Variants in FHIT observed in about 807,000 individuals in gnomAD.
The protein encoded by FHIT is bis(5'-adenosyl)-triphosphatase.
In FHIT, 19 loss-of-function variants were observed where a neutral mutation model predicts 17.9. The ratio of observed to expected loss-of-function variants is 1.06; its 90% CI spans 0.74 to 1.56. The LOEUF (loss-of-function observed/expected upper bound fraction) is 1.56, where lower values mean the gene tolerates loss of function less well. FHIT is among the 40% of genes most tolerant of loss of function. FHIT has a pLI of 0.00. For synonymous variants in FHIT, 81 were observed against 69.7 expected, an observed-to-expected ratio of 1.16 and a Z score of -0.81; for missense variants, 248 against 189.2, an observed-to-expected ratio of 1.31 and a Z score of -1.82.
At chr3:60,723,494 T>C (rs1350868634) in intron 4 of FHIT, among the ~76,000 whole-genome samples, 1 of 152,188 alleles carries the variant, frequency 6.6e-6, no homozygotes, top group East Asian at 1.9e-4. Flanking sequence ...GCTAGGCAGA[T>C]CAGCTCCCAG....
chr3:61,249,153 T>A (rs1460704367), intron 1 of FHIT, among the ~76,000 whole-genome samples: 1 of 152,214 alleles, frequency 6.6e-6, no homozygotes, highest in Non-Finnish European at 1.5e-5. Context: ...TCTAAAGAGC[T>A]ACACATCTGG....
chr3:60,126,162 C>T (rs529879315), intron 5 of FHIT, among the ~76,000 whole-genome samples: 3 of 152,226 alleles, frequency 2.0e-5, no homozygotes, highest in African/African-American at 7.2e-5. Context: ...CTGTTTCTCC[C>T]AAAGTACTCT....
chr3:60,539,790 G>T (rs534189799), intron 4 of FHIT, among the ~76,000 whole-genome samples: 3 of 152,232 alleles, frequency 2.0e-5, no homozygotes, highest in Non-Finnish European at 4.4e-5. Flanking sequence ...GGGGCCTGTT[G>T]TGGGGTGGGG....
intron 5 of FHIT, among the ~76,000 whole-genome samples, chr3:60,360,242 T>A (rs1192942269): frequency 6.6e-6 from 1 of 152,118 alleles, no homozygotes; most frequent in African/African-American, 2.4e-5. Flanking sequence ...AAGAAAATTT[T>A]TTTTTTTGAG....
At chr3:61,134,337 T>C (rs1177206844) in intron 2 of FHIT, among the ~76,000 whole-genome samples, 1 of 152,018 alleles carries the variant, frequency 6.6e-6, no homozygotes, top group Non-Finnish European at 1.5e-5. Flanking sequence ...AGAAGGAAAC[T>C]AAAAAACATG....
intron 3 of FHIT, among the ~76,000 whole-genome samples, chr3:61,021,031 A>G (rs1205911470): frequency 6.6e-6 from 1 of 152,226 alleles, no homozygotes; most frequent in African/African-American, 2.4e-5. Flanking sequence ...AGATTCATAT[A>G]GCAAGTTCTT....
chr3:60,873,968 AT>A lies in FHIT; in HGVS notation c.-110-51958del, dbSNP rs1704532403. ...AGCAAGTGCCTATAGTAAAAATAAA[AT>A]ATCACTATTTATATGGTATGTGTTA... On this transcript the variant is annotated intron_variant, in intron 3 of 9. Transcript: ENST00000492590. Among the ~76,000 whole-genome samples, 5 of 152,146 alleles carry A rather than the reference AT, an allele frequency of 3.3e-5. No homozygotes were observed. The South Asian group carries it at 1.0e-3, about 31-fold the overall frequency.
At chr3:61,129,815 A>G (rs2036713824) in intron 2 of FHIT, among the ~76,000 whole-genome samples, 1 of 152,318 alleles carries the variant, frequency 6.6e-6, no homozygotes, top group Admixed American at 6.5e-5. Flanking sequence ...TGTTCAGTAA[A>G]TGATACCTTG....
At chr3:61,220,250 C>T (rs17668266) in intron 1 of FHIT, among the ~76,000 whole-genome samples, 16,082 of 152,216 alleles carry the variant, frequency 0.11, 1,043 homozygotes, top group South Asian at 0.21. Flanking sequence ...TTCTTAAACC[C>T]CTTTCTAAAA....
At chr3:59,954,968 T>C (rs1288606006) in intron 7 of FHIT, among the ~76,000 whole-genome samples, 2 of 152,204 alleles carry the variant, frequency 1.3e-5, no homozygotes, top group Non-Finnish European at 2.9e-5. Flanking sequence ...TCAGCAGTAC[T>C]GTTTGCTAGT....
At chr3:61,229,186 T>C (rs1309707758) in intron 1 of FHIT, among the ~76,000 whole-genome samples, 1 of 152,162 alleles carries the variant, frequency 6.6e-6, no homozygotes, top group Non-Finnish European at 1.5e-5. Context: ...GATGAGATCA[T>C]ACTGGATTGT....
intron 5 of FHIT, among the ~76,000 whole-genome samples, chr3:60,455,567 C>T (rs748047458): frequency 5.3e-5 from 8 of 152,040 alleles, no homozygotes; most frequent in Non-Finnish European, 1.2e-4. Flanking sequence ...TGTTTATTTG[C>T]TTTAGTATGA....
chr3:60,848,772 G>T (rs116783915), intron 3 of FHIT, among the ~76,000 whole-genome samples: 2,228 of 152,156 alleles, frequency 0.015, 62 homozygotes, highest in African/African-American at 0.051. Context: ...CAAACTGGTA[G>T]CTATTTTTTA....
intron 5 of FHIT, among the ~76,000 whole-genome samples, chr3:60,323,034 T>C (rs1010632688): frequency 4.6e-5 from 7 of 152,192 alleles, no homozygotes; most frequent in Non-Finnish European, 8.8e-5. Context: ...TTAGATTTTT[T>C]TGTATGGAAG....
intron 7 of FHIT, among the ~76,000 whole-genome samples, chr3:59,991,337 G>C (rs1001949005): frequency 6.6e-6 from 1 of 152,068 alleles, no homozygotes. Flanking sequence ...ATCTTCTCCA[G>C]GTAGAAAGGT....
intron 5 of FHIT, among the ~76,000 whole-genome samples, chr3:60,246,868 A>T (rs1705422453): frequency 6.6e-6 from 1 of 152,092 alleles, no homozygotes; most frequent in Non-Finnish European, 1.5e-5. Flanking sequence ...TTTCAAAATG[A>T]TTCTCCTAAA....
chr3:60,102,874 T>C (rs954919923), intron 5 of FHIT, among the ~76,000 whole-genome samples: 1 of 152,226 alleles, frequency 6.6e-6, no homozygotes, highest in Non-Finnish European at 1.5e-5. Context: ...CCGTGTCTGA[T>C]AAAATCACAA....
intron 4 of FHIT, among the ~76,000 whole-genome samples, chr3:60,540,393 G>T (rs2036147420): frequency 6.6e-6 from 1 of 152,234 alleles, no homozygotes; most frequent in South Asian, 2.1e-4. Flanking sequence ...TTTATAGTCA[G>T]TTGGAAGTTC....
chr3:59,821,497 A>T (rs2629893), intron 8 of FHIT, among the ~76,000 whole-genome samples: 1 of 152,300 alleles, frequency 6.6e-6, no homozygotes, highest in Non-Finnish European at 1.5e-5. Flanking sequence ...CCCCTGGGAA[A>T]TGCAATATGA....
Sources: allele counts gnomAD v4.1 joint callset (sites outside exome capture counted in the v4.1 genomes callset), GRCh38; gene constraint gnomAD v4.1.1; transcripts MANE v1.5; gene names NCBI Gene and HGNC (gene_info 2026-07-23, HGNC 2026-07-21).